Variants in CLEC16A observed in about 807,000 individuals in gnomAD.
CLEC16A encodes protein CLEC16A.
CLEC16A carries 51 observed loss-of-function variants against 109.5 expected under a neutral mutation model. The observed-to-expected ratio is 0.47, with a 90% CI of 0.37 to 0.59. The LOEUF is 0.59. CLEC16A is among the 20% of genes least tolerant of loss of function. The pLI, the probability that CLEC16A is intolerant of heterozygous loss-of-function variation, is 0.00. For synonymous variants in CLEC16A, 673 were observed against 564.2 expected, an observed-to-expected ratio of 1.19 and a Z score of -2.73; for missense variants, 1,339 against 1,394.0, an observed-to-expected ratio of 0.96 and a Z score of 0.63.
At chr16:11,045,705 A>G (rs2060933233) in intron 16 of CLEC16A, among the ~76,000 whole-genome samples, 1 of 152,170 alleles carries the variant, frequency 6.6e-6, no homozygotes, top group Non-Finnish European at 1.5e-5. Context: ...AGATCCTGCG[A>G]GTGATGGTTT....
chr16:10,947,959 T>C (rs552029923), intron 1 of CLEC16A, among the ~76,000 whole-genome samples: 21 of 152,222 alleles, frequency 1.4e-4, no homozygotes, highest in African/African-American at 4.8e-4. Flanking sequence ...AGTGGCACGA[T>C]CTTGGCTCAC....
In CLEC16A at chr16:10,962,463, T is replaced by C; in HGVS notation, c.218T>C (p.Leu73Pro). Residue 73 changes from leucine to proline, a missense_variant, in exon 3 of 24, where the codon CTG (leucine) becomes CCG (proline). By Grantham distance (98) the Leu-to-Pro change is moderately conservative (BLOSUM62 -3). This residue lies in a region of CLEC16A where 117 missense variants were observed against 120.2 expected (regional missense o/e 0.97). Transcript: ENST00000409790. ...TTCCATTCTCTCCCCAGCTTCTTCC[T>C]GGAGAAGAATATGTTTGTTTTCTTC... ...QNDSSVFDFF[L>P]EKNMFVFFLN... is the part of the protein sequence containing the mutation. The C allele has an allele frequency of 1.2e-6, 2 of 1,613,970 alleles. No homozygotes were observed. The highest frequency in any genetic ancestry group is 1.7e-6 in the Non-Finnish European group (2 of 1,179,884).
At chr16:11,004,594 C>T (rs2044877351) in intron 11 of CLEC16A, among the ~76,000 whole-genome samples, 1 of 152,134 alleles carries the variant, frequency 6.6e-6, no homozygotes, top group Admixed American at 6.5e-5. Context: ...TAACACAGAG[C>T]CACTCGTTCA....
chr16:11,038,234 A>G (rs2047130980), intron 13 of CLEC16A, among the ~76,000 whole-genome samples: 1 of 152,182 alleles, frequency 6.6e-6, no homozygotes, highest in Admixed American at 6.5e-5. Context: ...CATCTCTTCA[A>G]TGCTATCTTC....
At position 11,166,515 on chromosome 16, in the gene CLEC16A, C is replaced by G. The variant is rs1336717768; in HGVS notation, c.2769C>G (p.Ser923Arg). 2 of 1,608,528 alleles carry G rather than the reference C, an allele frequency of 1.2e-6. No individual in the cohort carries two copies. The highest frequency in any genetic ancestry group is 3.3e-5 in the Admixed American group (2 of 59,800). Residue 923 changes from serine to arginine, a missense_variant, in exon 23 of 24, where the codon AGC becomes AGG. Transcript: ENST00000409790. ...GCCACTGCGACTCTGGAGGCACCAG[C>G]TCGTCCTCCACCCCCTCCACAGCCC... ...STSHCDSGGT[S>R]SSSTPSTAQS...
intron 19 of CLEC16A, among the ~76,000 whole-genome samples, chr16:11,105,148 T>G (rs906844332): frequency 4.6e-5 from 7 of 152,334 alleles, no homozygotes; most frequent in East Asian, 1.9e-4. Context: ...CAATGTACTA[T>G]GCAAATGTGG....
intron 19 of CLEC16A, among the ~76,000 whole-genome samples, chr16:11,105,021 G>T (rs2051133858): frequency 6.6e-6 from 1 of 152,174 alleles, no homozygotes; most frequent in African/African-American, 2.4e-5. Flanking sequence ...TGCATAATGA[G>T]CTTAAGTATT....
intron 1 of CLEC16A, among the ~76,000 whole-genome samples, chr16:10,952,461 TCCA>T (rs2041784646): frequency 6.6e-6 from 1 of 152,164 alleles, no homozygotes; most frequent in African/African-American, 2.4e-5. Flanking sequence ...GCCACTGCAC[TCCA>T]GCCTGATGAC....
chr16:11,064,877 TAGG>T (rs527327408), intron 19 of CLEC16A, among the ~76,000 whole-genome samples: 20 of 152,326 alleles, frequency 1.3e-4, no homozygotes, highest in Non-Finnish European at 2.5e-4. Flanking sequence ...TGGCACTTAG[TAGG>T]TGCCCAGTGA....
chr16:10,979,273 T>C, intron 8 of CLEC16A, 56 bp from the exon 9 acceptor site: 1 of 1,528,176 alleles, frequency 6.5e-7, no homozygotes, highest in Non-Finnish European at 8.9e-7. Context: ...GTGTATTTTG[T>C]GCTGCTCGCT....
chr16:11,155,125 C>G (rs1179694099), intron 22 of CLEC16A, among the ~76,000 whole-genome samples: 1 of 152,026 alleles, frequency 6.6e-6, no homozygotes, highest in East Asian at 1.9e-4. Flanking sequence ...GACCCTGTCT[C>G]CAAAAAAAGA....
At chr16:11,036,544 CTTTTTTTTTTTT>C (rs71404440) in intron 13 of CLEC16A, among the ~76,000 whole-genome samples, 16 of 131,912 alleles carry the variant, frequency 1.2e-4, no homozygotes, top group Non-Finnish European at 8.0e-5. Context: ...TCTAATTTTC[CTTTTTTTTTTTT>C]TTTTTTTTTT....
Position 11,116,966 on chromosome 16 carries a change from T to C in CLEC16A, c.2117-3649T>C, listed in dbSNP as rs558527097. Among the ~76,000 whole-genome samples, 4 of 152,086 alleles carry C rather than the reference T, an allele frequency of 2.6e-5. No homozygotes were observed. The South Asian group carries it at 8.3e-4, about 32-fold the overall frequency. ...TCAATGGTGGACTGAATGAAGAAAA[T>C]GTAGTACGTATACACTATGGAATAC... is the stretch of plus-strand genomic sequence containing the variant. On this transcript the variant is annotated intron_variant, in intron 19 of 23. Transcript: ENST00000409790.
chr16:11,026,148 T>C (rs77306026), intron 13 of CLEC16A, among the ~76,000 whole-genome samples: 5,203 of 152,300 alleles, frequency 0.034, 307 homozygotes, highest in African/African-American at 0.12. Context: ...TGTAATTCTC[T>C]TGTCTGGTTT....
At chr16:11,146,570 A>G (rs1328317297) in intron 22 of CLEC16A, among the ~76,000 whole-genome samples, 4 of 146,946 alleles carry the variant, frequency 2.7e-5, no homozygotes, top group Non-Finnish European at 6.0e-5. Context: ...GTGGAGGGAG[A>G]GGGGATGGAT....
At chr16:11,030,312 T>C (rs2046666318) in intron 13 of CLEC16A, among the ~76,000 whole-genome samples, 1 of 152,204 alleles carries the variant, frequency 6.6e-6, no homozygotes, top group African/African-American at 2.4e-5. Flanking sequence ...ATGGGAGATA[T>C]GTGTATGTTT....
intron 10 of CLEC16A, among the ~76,000 whole-genome samples, chr16:10,987,556 C>G (rs908260213): frequency 1.3e-5 from 2 of 152,166 alleles, no homozygotes; most frequent in Admixed American, 1.3e-4. Flanking sequence ...GACTCTGTAG[C>G]GTGGAGGGAA....
rs1252427083 is a variant in CLEC16A at position 11,109,132 on chromosome 16, A to T, written c.2117-11483A>T. ...TCAAAAAAAAAAAAAAAAAAAAAAAAACTGGGAGCAGGGGCCTTGATTCAA... is the reference window on the plus strand; with the variant it reads ...TCAAAAAAAAAAAAAAAAAAAAAAATACTGGGAGCAGGGGCCTTGATTCAA... On this transcript the variant is annotated intron_variant, in intron 19 of 23. Coordinates refer to ENST00000409790, the MANE Select transcript of CLEC16A (RefSeq NM_015226.3). 2.8e-5 allele frequency among the ~76,000 whole-genome samples: 4 copies of T among 140,772 alleles called. No homozygotes were observed. The South Asian group carries it at 6.7e-4, about 23-fold the overall frequency. 92.4% of individuals were successfully genotyped at this position (140,772 alleles called of 152,430 possible).
At chr16:10,981,235 C>T (rs1038239658) in intron 9 of CLEC16A, among the ~76,000 whole-genome samples, 8 of 152,118 alleles carry the variant, frequency 5.3e-5, no homozygotes, top group Non-Finnish European at 7.3e-5. Context: ...ATTCAAGGTA[C>T]GTAACGGATA....
Sources: allele counts gnomAD v4.1 joint callset (sites outside exome capture counted in the v4.1 genomes callset), GRCh38; gene constraint gnomAD v4.1.1; regional missense constraint gnomAD v4.1.1; transcripts MANE v1.5; gene names NCBI Gene and HGNC (gene_info 2026-07-23, HGNC 2026-07-21).